Variants in BCAS3 observed in about 807,000 individuals in gnomAD.
The protein encoded by BCAS3 is BCAS4/BCAS3 fusion.
In BCAS3, 53 loss-of-function variants were observed where a neutral mutation model predicts 116.1. That is an observed-to-expected ratio of 0.46 (90% CI 0.37 to 0.57). BCAS3 has a LOEUF of 0.57. Among genes scored for constraint, BCAS3 ranks in the 20% least tolerant of loss-of-function variants. The pLI is 0.00. For missense variants in BCAS3, 917 were observed against 1,165.4 expected (o/e 0.79, Z 3.10); for synonymous variants, 391 against 408.2 (o/e 0.96, Z 0.51).
intron 6 of BCAS3, among the ~76,000 whole-genome samples, chr17:60,769,397 C>T (rs1319286161): frequency 6.6e-6 from 1 of 152,172 alleles, no homozygotes; most frequent in Non-Finnish European, 1.5e-5. Flanking sequence ...GGTCATACAA[C>T]AGCCTGCAGT....
At chr17:60,707,974 G>A (rs2037381439) in intron 4 of BCAS3, among the ~76,000 whole-genome samples, 1 of 151,992 alleles carries the variant, frequency 6.6e-6, no homozygotes, top group Non-Finnish European at 1.5e-5. Flanking sequence ...TTCTTAGTCT[G>A]GTTTTGGTTG....
chr17:60,829,114 C>T (rs2050687405), intron 7 of BCAS3, among the ~76,000 whole-genome samples: 1 of 152,018 alleles, frequency 6.6e-6, no homozygotes, highest in African/African-American at 2.4e-5. Flanking sequence ...CATTGCTAGA[C>T]ATTTCTTGCT....
chr17:61,164,647 A>G (rs1047719163), intron 22 of BCAS3, among the ~76,000 whole-genome samples: 3 of 152,174 alleles, frequency 2.0e-5, no homozygotes, highest in Non-Finnish European at 2.9e-5. Context: ...TTGCTCTGTC[A>G]CATGCTTGCT....
chr17:60,829,527 T>C (rs1313324483), intron 7 of BCAS3, among the ~76,000 whole-genome samples: 3 of 151,154 alleles, frequency 2.0e-5, no homozygotes, highest in South Asian at 2.1e-4. Context: ...GGTAGTTAGA[T>C]AAAGTTGGAC....
chr17:61,303,477 C>T (rs145637099), intron 22 of BCAS3, among the ~76,000 whole-genome samples: 216 of 152,270 alleles, frequency 1.4e-3, no homozygotes, highest in Non-Finnish European at 2.5e-3. Flanking sequence ...GCTCCATCGC[C>T]ACTCAGCTTC....
chr17:60,791,557 TGAG>T (rs990774171), intron 6 of BCAS3, among the ~76,000 whole-genome samples: 1 of 151,754 alleles, frequency 6.6e-6, no homozygotes, highest in African/African-American at 2.4e-5. Context: ...GGGAGGCTGA[TGAG>T]GAAGTATCAT....
intron 15 of BCAS3, among the ~76,000 whole-genome samples, chr17:61,006,179 A>C (rs1344653511): frequency 6.6e-6 from 1 of 152,124 alleles, no homozygotes; most frequent in African/African-American, 2.4e-5. Flanking sequence ...TGTTGTGGCT[A>C]TACTTTTTAT....
intron 7 of BCAS3, among the ~76,000 whole-genome samples, chr17:60,826,229 G>T (rs1304231650): frequency 6.6e-6 from 1 of 152,002 alleles, no homozygotes; most frequent in African/African-American, 2.4e-5. Flanking sequence ...TGTTGCCCAG[G>T]CTGGAGCGCA....
At chr17:61,322,870 G>GAGAC (rs2055415132) in intron 22 of BCAS3, among the ~76,000 whole-genome samples, 1 of 147,354 alleles carries the variant, frequency 6.8e-6, no homozygotes, top group African/African-American at 2.4e-5. Context: ...GAGAGAGAGA[G>GAGAC]AGAGAGAGAG....
chr17:60,751,409 A>G (rs1296393154), intron 6 of BCAS3, among the ~76,000 whole-genome samples: 1 of 152,232 alleles, frequency 6.6e-6, no homozygotes, highest in Admixed American at 6.5e-5. Context: ...TCATTACTTT[A>G]AGTAGCCATT....
chr17:61,388,673 C>G lies in BCAS3; in HGVS notation c.2594-3304C>G. 6.5e-7 allele frequency: 1 copy of G among 1,549,452 alleles called. No individual in the cohort carries two copies. ...AACAGCCCAGCGTCCGTGAGCAACC[C>G]AACAGTAACAAAGCATGCGTTCGGG... is the stretch of plus-strand genomic sequence containing the variant. On this transcript the variant is annotated intron_variant, in intron 23 of 23. Transcript: ENST00000407086. This position sits in a 1 kb window ranked among gnomAD's most constrained non-coding sequence, Gnocchi z 6.5.
rs1471257516 is a variant in BCAS3 at position 61,124,071 on chromosome 17, G to GAT, written c.2425+39508_2425+39509insTA. Among the ~76,000 whole-genome samples, 6 of 151,810 alleles carry GAT rather than the reference G, an allele frequency of 4.0e-5. No homozygotes were observed. The highest frequency in any genetic ancestry group is 1.2e-4 in the African/African-American group (5 of 41,476). The stretch of plus-strand genomic sequence containing the variant: ...TTATTTCAAACTTGTATCTAGGAGA[G>GAT]AGATATATATATATACATATATATG... On this transcript the variant is annotated intron_variant, in intron 22 of 23. Transcript: ENST00000407086. This position sits in a 1 kb window ranked among gnomAD's most constrained non-coding sequence, Gnocchi z 4.6.
intron 22 of BCAS3, among the ~76,000 whole-genome samples, chr17:61,202,181 A>G (rs953824715): frequency 1.0e-4 from 13 of 129,330 alleles, no homozygotes; most frequent in Admixed American, 1.9e-4. Flanking sequence ...TCTGTCTCCC[A>G]GGTTGGAGTG....
chr17:61,006,899 A>G (rs945214301), intron 15 of BCAS3, among the ~76,000 whole-genome samples: 3 of 151,872 alleles, frequency 2.0e-5, no homozygotes, highest in Admixed American at 2.0e-4. Context: ...TTGATTTTTC[A>G]TTGTTGAAGG....
At chr17:61,016,023 C>A in intron 16 of BCAS3, 122 bp downstream of exon 16, 1 of 1,046,984 alleles carries the variant, frequency 9.6e-7, no homozygotes, top group Non-Finnish European at 1.4e-6. Context: ...TCAAATAAGA[C>A]TTAATGGCAT....
At chr17:61,143,632 G>A (rs1359647019) in intron 22 of BCAS3, among the ~76,000 whole-genome samples, 1 of 151,820 alleles carries the variant, frequency 6.6e-6, no homozygotes, top group Non-Finnish European at 1.5e-5. Flanking sequence ...AATATGGCGA[G>A]ACCCCGCCTC....
At chr17:61,038,117 T>C in intron 18 of BCAS3, 63 bp downstream of exon 18, 3 of 1,459,702 alleles carry the variant, frequency 2.1e-6, no homozygotes, top group Non-Finnish European at 2.8e-6. Flanking sequence ...ATTAAAAGCG[T>C]ATAATTTGAT....
rs577678986 is a variant in BCAS3, at chr17:61,146,516, C to G, written c.2425+61952C>G. The stretch of plus-strand genomic sequence containing the variant: ...AATGACTGAGCTCTTAGGAGTGTTT[C>G]TGCCCTCTCCCCACAACCCTCAAAT... On this transcript the variant is annotated intron_variant, in intron 22 of 23. Transcript: ENST00000407086. Among the ~76,000 whole-genome samples, 14 of 152,262 alleles carry G rather than the reference C, an allele frequency of 9.2e-5. No individual in the cohort carries two copies. The East Asian group carries it at 2.7e-3, about 29-fold the overall frequency.
Position 61,222,768 on chromosome 17 carries a change from C to CAGA in BCAS3, c.2425+138204_2425+138205insAGA, listed in dbSNP as rs2082179076. Among the ~76,000 whole-genome samples the CAGA allele has an allele frequency of 2.0e-5, 3 of 152,158 alleles. No individual in the cohort carries two copies. Among genetic ancestry groups the CAGA allele is most frequent in the Non-Finnish European group, 4.4e-5 (3 of 68,016 alleles). ...CTGCGACTCCAGGTCGATTCGTCTG[C>CAGA]CTGTTGGCTTTTTTGATTTTTGCTT... On this transcript the variant is annotated intron_variant, in intron 22 of 23. Coordinates refer to ENST00000407086, the MANE Select transcript of BCAS3 (RefSeq NM_017679.5). The surrounding 1 kb of genome is among the most constrained non-coding windows in gnomAD (Gnocchi z 6.1).
Sources: gnomAD v4.1 joint callset for allele counts (sites outside exome capture counted in the v4.1 genomes callset) on GRCh38, gnomAD v4.1.1 for gene constraint, Gnocchi (gnomAD v3.1) non-coding constraint, MANE v1.5 for transcripts, NCBI Gene and HGNC (gene_info 2026-07-23, HGNC 2026-07-21) for gene names.